The following LINGO2 variants were observed in gnomAD, a reference collection of about 807,000 sequenced individuals.
The protein encoded by LINGO2 is leucine rich repeat and Ig domain containing 2.
A neutral mutation model predicts 30.6 loss-of-function variants in LINGO2; 14 were observed. That is an observed-to-expected ratio of 0.46 (90% confidence interval 0.30 to 0.72). LINGO2 has a LOEUF of 0.72. Ranked by LOEUF, LINGO2 falls within the 30% of genes least tolerant of loss-of-function variation. The pLI, the probability that LINGO2 is intolerant of heterozygous loss-of-function variation, is 0.07. For missense variants in LINGO2, 729 were observed against 751.7 expected, an observed-to-expected ratio of 0.97 and a Z score of 0.35; for synonymous variants, 317 against 288.5, an observed-to-expected ratio of 1.10 and a Z score of -1.00.
At chr9:28,620,784 C>T (rs150263090) in intron 1 of LINGO2, among the ~76,000 whole-genome samples, 1,785 of 152,054 alleles carry the variant, frequency 0.012, 18 homozygotes, top group Non-Finnish European at 0.018. Context: ...GATGAGAACA[C>T]ATAGATACAC....
At chr9:28,793,575 C>T in the LINGO2 span, among the ~76,000 whole-genome samples, 28 of 152,290 alleles carry the variant, frequency 1.8e-4, no homozygotes, top group Admixed American at 7.8e-4. Flanking sequence ...ATGGTTTGCA[C>T]ATTCCTAGCT....
chr9:29,089,183 G>A, the LINGO2 span, among the ~76,000 whole-genome samples: 4 of 151,546 alleles, frequency 2.6e-5, no homozygotes, highest in Non-Finnish European at 5.9e-5. Context: ...TTACACTATG[G>A]TGTGCTTTAT....
chr9:29,030,069 G>C, the LINGO2 span, among the ~76,000 whole-genome samples: 1 of 152,164 alleles, frequency 6.6e-6, no homozygotes, highest in African/African-American at 2.4e-5. Flanking sequence ...AGGAAAAAAA[G>C]TGAAAGATTG....
chr9:28,636,834 C>G (rs926251219), intron 1 of LINGO2, among the ~76,000 whole-genome samples: 1 of 152,150 alleles, frequency 6.6e-6, no homozygotes, highest in Admixed American at 6.5e-5. Flanking sequence ...AATTAGATCC[C>G]ATTTATCAAT....
the LINGO2 span, among the ~76,000 whole-genome samples, chr9:29,119,693 C>G: frequency 7.0e-6 from 1 of 143,760 alleles, no homozygotes. Context: ...TCAAGCAATT[C>G]TCCTGCCTCA....
chr9:29,085,034 AT>A, the LINGO2 span, among the ~76,000 whole-genome samples: 2 of 151,840 alleles, frequency 1.3e-5, no homozygotes, highest in Non-Finnish European at 2.9e-5. Context: ...TCACCTAATT[AT>A]TTTCAAACCT....
At chr9:28,427,518 G>T (rs1823462613) in intron 2 of LINGO2, among the ~76,000 whole-genome samples, 1 of 152,108 alleles carries the variant, frequency 6.6e-6, no homozygotes, top group Admixed American at 6.6e-5. Flanking sequence ...GAAAACTGAG[G>T]TTGTTTATAA....
At chr9:29,006,752 A>T in the LINGO2 span, among the ~76,000 whole-genome samples, 1 of 152,052 alleles carries the variant, frequency 6.6e-6, no homozygotes, top group African/African-American at 2.4e-5. Flanking sequence ...CAGTCGTATC[A>T]CCTTACATGA....
chr9:28,031,603 A>C (rs1823675072), intron 4 of LINGO2, among the ~76,000 whole-genome samples: 1 of 152,186 alleles, frequency 6.6e-6, no homozygotes, highest in Non-Finnish European at 1.5e-5. Flanking sequence ...TCATCTTTAA[A>C]GTGGGGACAG....
chr9:28,306,806 C>A (rs970967857), intron 3 of LINGO2, among the ~76,000 whole-genome samples: 2 of 152,056 alleles, frequency 1.3e-5, no homozygotes, highest in African/African-American at 4.8e-5. Flanking sequence ...AACACCTCTA[C>A]GCAAATAAAC....
the LINGO2 span, among the ~76,000 whole-genome samples, chr9:28,980,164 C>A: frequency 1.3e-5 from 2 of 151,902 alleles, no homozygotes; most frequent in Non-Finnish European, 2.9e-5. Context: ...AGATCCAAAC[C>A]ATCACCAAAC....
intron 4 of LINGO2, among the ~76,000 whole-genome samples, chr9:28,014,109 C>A (rs1222980807): frequency 6.6e-6 from 1 of 152,054 alleles, no homozygotes. Flanking sequence ...GGTTACCACT[C>A]AGAAATTATG....
chr9:28,555,905 T>C (rs1822650628), intron 1 of LINGO2, among the ~76,000 whole-genome samples: 1 of 152,072 alleles, frequency 6.6e-6, no homozygotes, highest in African/African-American at 2.4e-5. Context: ...ACCACGATTA[T>C]CTCAATAGAT....
At chr9:28,744,611 TGTGTGTGTGTGTGTG>T in the LINGO2 span, among the ~76,000 whole-genome samples, 1 of 134,004 alleles carries the variant, frequency 7.5e-6, no homozygotes, top group Non-Finnish European at 1.5e-5. Context: ...ATTCCCCTCG[TGTGTGTGTGTGTGTG>T]TGTGTGTGTG....
intron 3 of LINGO2, among the ~76,000 whole-genome samples, chr9:28,354,690 C>A (rs1430223295): frequency 2.6e-5 from 4 of 152,076 alleles, no homozygotes; most frequent in Non-Finnish European, 5.9e-5. Context: ...CTTGTTTGAC[C>A]AATAGAAAAC....
chr9:28,727,974 TG>T, the LINGO2 span, among the ~76,000 whole-genome samples: 1 of 152,098 alleles, frequency 6.6e-6, no homozygotes, highest in African/African-American at 2.4e-5. Context: ...AGAAGGGCCA[TG>T]GGATCTCAAC....
At chr9:28,272,233 A>C (rs1380142933) in intron 4 of LINGO2, among the ~76,000 whole-genome samples, 1 of 152,098 alleles carries the variant, frequency 6.6e-6, no homozygotes, top group Non-Finnish European at 1.5e-5. Flanking sequence ...GAACCCTGAC[A>C]ACAGGGAGAA....
the LINGO2 span, among the ~76,000 whole-genome samples, chr9:28,924,116 C>T: frequency 0.11 from 17,364 of 152,210 alleles, 994 homozygotes; most frequent in South Asian, 0.16. Context: ...CATCTTGGCA[C>T]GTGCCCTGTG....
chr9:27,951,429 A>G (rs1255376118), intron 5 of LINGO2, among the ~76,000 whole-genome samples: 2 of 152,218 alleles, frequency 1.3e-5, no homozygotes, highest in Non-Finnish European at 2.9e-5. Context: ...CAAGATGGCT[A>G]TAATAAAAAT....
Sources: gnomAD v4.1 joint callset for allele counts (sites outside exome capture counted in the v4.1 genomes callset) on GRCh38, gnomAD v4.1.1 for gene constraint, MANE v1.5 for transcripts, NCBI Gene and HGNC (gene_info 2026-07-23, HGNC 2026-07-21) for gene names.